Variants in FLRT1 observed in about 807,000 individuals in gnomAD.
The protein encoded by FLRT1 is fibronectin leucine rich transmembrane protein 1.
Under a neutral mutation model 30.9 loss-of-function variants are expected in FLRT1, and 14 were observed. The ratio of observed to expected loss-of-function variants is 0.45; its 90% confidence interval spans 0.30 to 0.71. The LOEUF (loss-of-function observed/expected upper bound fraction) is 0.71. Ranked by LOEUF, FLRT1 falls within the 30% of genes least tolerant of loss-of-function variation. The probability of loss-of-function intolerance (pLI) is 0.08; values close to 1 mark genes in which losing one functional copy is unlikely to be tolerated. For synonymous variants in FLRT1, 368 were observed against 430.4 expected (o/e 0.85, Z 1.80); for missense variants, 737 against 949.2 (o/e 0.78, Z 2.94).
Position 64,117,525 on chromosome 11 carries a change from C to T in FLRT1, c.1258C>T (p.Arg420Cys), listed in dbSNP as rs766685302. The change falls in exon 3 of 3, where the codon CGC (arginine) becomes TGC (cysteine). Residue 420 changes from arginine to cysteine, a missense_variant. Arg to Cys is a radical substitution (Grantham distance 180). Transcript: ENST00000682287. ...CCTCAAGGCCAAAAGGCCAGGGCTG[C>T]GCCTCCCCGACTCCAACATTGACTA... ...FTLKAKRPGLRLPDSNIDYPM... is the reference protein window; with the variant it reads ...FTLKAKRPGLCLPDSNIDYPM... 1.1e-5 allele frequency: 17 copies of T among 1,603,360 alleles called. No homozygotes were observed. The East Asian group carries it at 1.3e-4, about 13-fold the overall frequency.
At chr11:64,060,005 G>A (rs1168055269) in intron 1 of FLRT1, among the ~76,000 whole-genome samples, 2 of 152,282 alleles carry the variant, frequency 1.3e-5, no homozygotes, top group African/African-American at 2.4e-5. Flanking sequence ...GGTGCGGGAC[G>A]TCCAGGGGCC....
In FLRT1 at chr11:64,116,783, C is replaced by G; in HGVS notation, c.516C>G (p.Ala172=). ...SVSTVSIEED[A]FADSKQLKLL... ...CCACCGTCAGCATTGAGGAGGACGC[C>G]TTCGCCGACAGCAAACAGCTCAAGC... Residue 172 remains alanine (A), a synonymous_variant, in exon 3 of 3, where the codon GCC becomes GCG. Transcript: ENST00000682287. 1 of 1,613,630 alleles carries G rather than the reference C, an allele frequency of 6.2e-7. No individual in the cohort carries two copies. The highest frequency in any genetic ancestry group is 8.5e-7 in the Non-Finnish European group (1 of 1,180,044).
At chr11:64,076,327 G>A (rs1944200172) in intron 1 of FLRT1, among the ~76,000 whole-genome samples, 1 of 152,188 alleles carries the variant, frequency 6.6e-6, no homozygotes, top group African/African-American at 2.4e-5. Flanking sequence ...TTGGGGTTAG[G>A]GACAGGGACA....
In FLRT1 at chr11:64,064,676, CGA is replaced by C. The variant is rs149741256; in HGVS notation, c.-1038+28520_-1038+28521del. 0.16 allele frequency among the ~76,000 whole-genome samples: 23,089 copies of C among 148,614 alleles called. 3,032 individuals carry two copies. The highest frequency in any genetic ancestry group is 0.4 in the East Asian group (2,032 of 5,024). On this transcript the variant is annotated intron_variant, in intron 1 of 2. Coordinates refer to ENST00000682287, the MANE Select transcript of FLRT1 (RefSeq NM_013280.5). The surrounding 1 kb of genome is among the most constrained non-coding windows in gnomAD (Gnocchi z 4.5). ...CCTCTGGCAGGACATTAAACGGCAC[CGA>C]GATAGAAGGAGGGGGGCCCTCCCTG...
rs71045731 is a variant in FLRT1 at position 64,064,843 on chromosome 11, C to CTCAT, written c.-1038+28714_-1038+28717dup. Among the ~76,000 whole-genome samples, 33,597 of 150,292 alleles carry CTCAT rather than the reference C, an allele frequency of 0.22. 3,872 individuals carry two copies. Among genetic ancestry groups the CTCAT allele is most frequent in the Non-Finnish European group, 0.25 (17,178 of 67,566 alleles). ...CAAGAGGCTAGAGTTTCACAAGGACCTCATTCATTCATTCATTCATTCATT... is the reference window on the plus strand; with the variant it reads ...CAAGAGGCTAGAGTTTCACAAGGACCTCATTCATTCATTCATTCATTCATTCATT... On this transcript the variant is annotated intron_variant, in intron 1 of 2. Transcript: ENST00000682287. This position sits in a 1 kb window ranked among gnomAD's most constrained non-coding sequence, Gnocchi z 4.5.
intron 1 of FLRT1, among the ~76,000 whole-genome samples, chr11:64,063,347 G>A (rs1943938600): frequency 1.3e-5 from 2 of 152,260 alleles, no homozygotes; most frequent in African/African-American, 4.8e-5. Context: ...GTGCAGGGAG[G>A]TGCCACACAC....
intron 2 of FLRT1, among the ~76,000 whole-genome samples, chr11:64,114,492 GATGGATGGATGGATGA>G (rs1944936213): frequency 6.6e-6 from 1 of 150,940 alleles, no homozygotes; most frequent in African/African-American, 2.4e-5. Context: ...TGGTTGAATG[GATGGATGGATGGATGA>G]ATGGATGGAT....
At chr11:64,106,196 C>A (rs1262441060) in intron 2 of FLRT1, among the ~76,000 whole-genome samples, 1 of 152,076 alleles carries the variant, frequency 6.6e-6, no homozygotes, top group African/African-American at 2.4e-5. Context: ...GAGTCTGAGG[C>A]CTGGGTTTGT....
chr11:64,091,806 C>CT (rs1284147326), intron 1 of FLRT1, among the ~76,000 whole-genome samples: 1 of 152,208 alleles, frequency 6.6e-6, no homozygotes, highest in Non-Finnish European at 1.5e-5. Flanking sequence ...CAGTGGGCCA[C>CT]TACCCCAGTC....
intron 1 of FLRT1, among the ~76,000 whole-genome samples, chr11:64,063,234 A>G (rs1943937393): frequency 6.6e-6 from 1 of 152,074 alleles, no homozygotes; most frequent in South Asian, 2.1e-4. Flanking sequence ...TCTGTGCCTC[A>G]GTTTCCTCAT....
At chr11:64,060,164 C>T (rs932762291) in intron 1 of FLRT1, among the ~76,000 whole-genome samples, 3 of 152,238 alleles carry the variant, frequency 2.0e-5, no homozygotes, top group Non-Finnish European at 4.4e-5. Flanking sequence ...ATATTTAAGG[C>T]GCGGACGGCG....
At position 64,116,681 on chromosome 11, in the gene FLRT1, T is replaced by C. The variant is rs2134618188; in HGVS notation, c.414T>C (p.Asn138=). 6.2e-7 allele frequency: 1 copy of C among 1,613,802 alleles called. No individual in the cohort carries two copies. The highest frequency in any genetic ancestry group is 8.5e-7 in the Non-Finnish European group (1 of 1,179,986). Residue 138 remains asparagine, a synonymous_variant, in exon 3 of 3, where the codon AAT becomes AAC. Transcript: ENST00000682287. ...GGGAGCTGCACCTGCAGGACAACAA[T>C]GTGCGCACCATTGCCAGGGACTCGC... ...SLRELHLQDN[N]VRTIARDSLA... is the part of the protein sequence containing the mutation.
intron 1 of FLRT1, among the ~76,000 whole-genome samples, chr11:64,039,487 G>A (rs1311742041): frequency 2.6e-5 from 4 of 151,920 alleles, no homozygotes; most frequent in Admixed American, 6.6e-5. Context: ...GCTGGCCCAC[G>A]AGGCAGCTGC....
At chr11:64,114,673 G>C (rs1049694471) in intron 2 of FLRT1, among the ~76,000 whole-genome samples, 2 of 151,938 alleles carry the variant, frequency 1.3e-5, no homozygotes, top group African/African-American at 4.8e-5. Flanking sequence ...GTGGATAGAT[G>C]GATGGATGGA....
At chr11:64,083,276 A>C (rs1433232356) in intron 1 of FLRT1, among the ~76,000 whole-genome samples, 1 of 152,116 alleles carries the variant, frequency 6.6e-6, no homozygotes, top group Non-Finnish European at 1.5e-5. Context: ...TCTCTACTAA[A>C]ATACAAAAAA....
At chr11:64,092,064 C>G (rs537930463) in intron 1 of FLRT1, among the ~76,000 whole-genome samples, 1 of 152,198 alleles carries the variant, frequency 6.6e-6, no homozygotes, top group Non-Finnish European at 1.5e-5. Flanking sequence ...CCCACCCAAG[C>G]CAGGACCATA....
intron 1 of FLRT1, among the ~76,000 whole-genome samples, chr11:64,055,355 G>A (rs965532758): frequency 6.6e-6 from 1 of 152,224 alleles, no homozygotes; most frequent in Non-Finnish European, 1.5e-5. Flanking sequence ...GAAGCAGCCC[G>A]GTTTCTGGGT....
intron 2 of FLRT1, among the ~76,000 whole-genome samples, chr11:64,113,435 T>TGGAG (rs1404555432): frequency 6.7e-6 from 1 of 149,556 alleles, no homozygotes; most frequent in Non-Finnish European, 1.5e-5. Context: ...GATGGATGGA[T>TGGAG]GGATGGATGG....
intron 2 of FLRT1, among the ~76,000 whole-genome samples, chr11:64,106,849 C>T (rs935472349): frequency 1.3e-5 from 2 of 152,172 alleles, no homozygotes; most frequent in Non-Finnish European, 2.9e-5. Context: ...CTCTCCTTCC[C>T]TCTGAAATTC....
Sources: gnomAD v4.1 joint callset for allele counts (sites outside exome capture counted in the v4.1 genomes callset) on GRCh38, gnomAD v4.1.1 for gene constraint, Gnocchi (gnomAD v3.1) non-coding constraint, MANE v1.5 for transcripts, NCBI Gene and HGNC (gene_info 2026-07-23, HGNC 2026-07-21) for gene names.